CDH20: variants seen among roughly 807,000 people sequenced by gnomAD.
CDH20 encodes the protein cadherin 20.
A neutral mutation model predicts 74.2 loss-of-function variants in CDH20; 29 were observed. The observed-to-expected ratio is 0.39, with a 90% CI of 0.29 to 0.53. CDH20 has a LOEUF of 0.53. Among genes scored for constraint, CDH20 ranks in the 20% least tolerant of loss-of-function variants. The probability of loss-of-function intolerance (pLI) is 0.69; values close to 1 mark genes in which losing one functional copy is unlikely to be tolerated. For synonymous variants in CDH20, 469 were observed against 405.4 expected (o/e 1.16, Z -1.88); for missense variants, 988 against 1,048.3 (o/e 0.94, Z 0.79).
chr18:61,499,257 G>T lies in CDH20; in HGVS notation c.318G>T (p.Val106=). The change falls in exon 3 of 12, where the codon GTG becomes GTT. Residue 106 remains valine, a synonymous_variant. Coordinates refer to ENST00000262717, the MANE Select transcript of CDH20 (RefSeq NM_031891.4). ...YILSGEGAGI[V]FTIDDTTGDI... ...TCTCGGGAGAAGGTGCTGGCATCGT[G>T]TTTACCATCGACGACACCACTGGAG... The T allele has an allele frequency of 6.2e-7, 1 of 1,613,702 alleles. No individual in the cohort carries two copies. Among genetic ancestry groups the T allele is most frequent in the Non-Finnish European group, 8.5e-7 (1 of 1,179,708 alleles).
chr18:61,344,479 T>G (rs1489506295), intron 1 of CDH20, among the ~76,000 whole-genome samples: 1 of 152,210 alleles, frequency 6.6e-6, no homozygotes, highest in African/African-American at 2.4e-5. Context: ...TCAGCAGGGA[T>G]GCACTATTTA....
At chr18:61,361,839 C>A (rs150872530) in intron 1 of CDH20, among the ~76,000 whole-genome samples, 10 of 152,192 alleles carry the variant, frequency 6.6e-5, no homozygotes, top group African/African-American at 2.2e-4. Context: ...ACCAGCCGTT[C>A]CATAAGAACC....
At chr18:61,359,665 C>T (rs538224063) in intron 1 of CDH20, among the ~76,000 whole-genome samples, 2 of 152,330 alleles carry the variant, frequency 1.3e-5, no homozygotes, top group South Asian at 4.1e-4. Context: ...TGTCTCCCAT[C>T]CCTGGGGATA....
chr18:61,390,713 T>G (rs1462577679), intron 1 of CDH20, among the ~76,000 whole-genome samples: 1 of 152,146 alleles, frequency 6.6e-6, no homozygotes, highest in Non-Finnish European at 1.5e-5. Flanking sequence ...AGATAGCATT[T>G]CTAATCAGGG....
chr18:61,433,779 T>C (rs895901516), intron 1 of CDH20, among the ~76,000 whole-genome samples: 2 of 152,230 alleles, frequency 1.3e-5, no homozygotes, highest in Non-Finnish European at 2.9e-5. Context: ...AAATATTGTT[T>C]GCTGTTGTCA....
chr18:61,492,818 A>C (rs1462659248), intron 2 of CDH20, among the ~76,000 whole-genome samples: 2 of 152,202 alleles, frequency 1.3e-5, no homozygotes, highest in Non-Finnish European at 2.9e-5. Context: ...CTAAAACTAG[A>C]AGCTCAATGA....
At chr18:61,487,989 G>T (rs1910824985) in intron 1 of CDH20, among the ~76,000 whole-genome samples, 1 of 152,002 alleles carries the variant, frequency 6.6e-6, no homozygotes, top group Non-Finnish European at 1.5e-5. Context: ...GCTACAACCA[G>T]CCAGAGAAAA....
chr18:61,371,842 C>T (rs888919995), intron 1 of CDH20, among the ~76,000 whole-genome samples: 1 of 152,076 alleles, frequency 6.6e-6, no homozygotes, highest in Non-Finnish European at 1.5e-5. Context: ...AAGTCAGCAT[C>T]TCTTATAGAT....
rs1913592821 is a variant in CDH20, at chr18:61,555,275, G to A, written c.*580G>A. ...TTAAGACTGAATCAGCCTTGCATGG[G>A]GGTGGATGGGTGGGAGGGTGGGTGA... is the stretch of plus-strand genomic sequence containing the variant. On this transcript the variant is annotated 3_prime_UTR_variant, in exon 12 of 12. Coordinates refer to ENST00000262717, the MANE Select transcript of CDH20 (RefSeq NM_031891.4). 1 of 984,484 alleles carries A rather than the reference G, an allele frequency of 1.0e-6. No individual in the cohort carries two copies. The highest frequency in any genetic ancestry group is 6.2e-5 in the Admixed American group (1 of 16,196). 61.0% of individuals were successfully genotyped at this position (984,484 alleles called of 1,614,324 possible).
intron 4 of CDH20, among the ~76,000 whole-genome samples, chr18:61,500,911 A>C (rs1203215924): frequency 2.6e-5 from 4 of 152,226 alleles, no homozygotes; most frequent in Non-Finnish European, 5.9e-5. Flanking sequence ...CCTTGGGGGA[A>C]TCATCCAGTC....
chr18:61,401,320 T>G (rs560304749), intron 1 of CDH20, among the ~76,000 whole-genome samples: 3 of 152,280 alleles, frequency 2.0e-5, no homozygotes, highest in African/African-American at 7.2e-5. Flanking sequence ...AAAAGGGATT[T>G]AGGATGGGAA....
At chr18:61,414,389 C>A (rs538098239) in intron 1 of CDH20, among the ~76,000 whole-genome samples, 1 of 152,226 alleles carries the variant, frequency 6.6e-6, no homozygotes, top group Admixed American at 6.5e-5. Flanking sequence ...CTCCTATGAC[C>A]CTCACATTGT....
At chr18:61,406,028 A>G (rs1315834139) in intron 1 of CDH20, among the ~76,000 whole-genome samples, 1 of 152,116 alleles carries the variant, frequency 6.6e-6, no homozygotes, top group Non-Finnish European at 1.5e-5. Flanking sequence ...TTCAGGACTA[A>G]TTGATGTTCA....
chr18:61,396,335 A>G (rs1911976999), intron 1 of CDH20, among the ~76,000 whole-genome samples: 1 of 152,208 alleles, frequency 6.6e-6, no homozygotes, highest in African/African-American at 2.4e-5. Context: ...TTCTTTTGGA[A>G]ATCAATAATT....
intron 1 of CDH20, among the ~76,000 whole-genome samples, chr18:61,350,533 A>G (rs1910269357): frequency 6.6e-6 from 1 of 152,160 alleles, no homozygotes; most frequent in Non-Finnish European, 1.5e-5. Flanking sequence ...TCTTCTTGGG[A>G]AGAGGAAAGT....
In CDH20 at chr18:61,349,743, T is replaced by C. The variant is rs185987141; in HGVS notation, c.-153+15916T>C. Among the ~76,000 whole-genome samples, 277 of 150,744 alleles carry C rather than the reference T, an allele frequency of 1.8e-3. 1 individual carries two copies. Among genetic ancestry groups the C allele is most frequent in the African/African-American group, 6.2e-3 (253 of 41,024 alleles). On this transcript the variant is annotated intron_variant, in intron 1 of 11. Coordinates refer to ENST00000262717, the MANE Select transcript of CDH20 (RefSeq NM_031891.4). The stretch of plus-strand genomic sequence containing the variant: ...AGAGAGTATATAAACTTCTAAATTG[T>C]CACATGCAAGTGACAGATGAAAAAA...
intron 1 of CDH20, among the ~76,000 whole-genome samples, chr18:61,373,698 A>C (rs905513978): frequency 6.6e-6 from 1 of 152,158 alleles, no homozygotes; most frequent in Non-Finnish European, 1.5e-5. Flanking sequence ...AAACCTGCCC[A>C]AAACCACTCA....
intron 1 of CDH20, among the ~76,000 whole-genome samples, chr18:61,456,397 T>C (rs752689487): frequency 6.6e-6 from 1 of 152,236 alleles, no homozygotes; most frequent in East Asian, 1.9e-4. Context: ...CACAAGATGA[T>C]GTACTTTTTA....
chr18:61,342,380 A>G (rs1909981107), intron 1 of CDH20, among the ~76,000 whole-genome samples: 1 of 152,210 alleles, frequency 6.6e-6, no homozygotes, highest in Non-Finnish European at 1.5e-5. Context: ...GTAGATGCAG[A>G]AACTGAGGCA....
Sources: gnomAD v4.1 joint callset for allele counts (sites outside exome capture counted in the v4.1 genomes callset) on GRCh38, gnomAD v4.1.1 for gene constraint, MANE v1.5 for transcripts, NCBI Gene and HGNC (gene_info 2026-07-23, HGNC 2026-07-21) for gene names.